EDEM1: variants seen among roughly 807,000 people sequenced by gnomAD.
EDEM1 encodes ER degradation enhancing alpha-mannosidase like protein 1, also known as ER degradation-enhancing alpha-mannosidase-like protein 1.
Under a neutral mutation model 74.4 loss-of-function variants are expected in EDEM1, and 67 were observed. The observed-to-expected ratio is 0.90, with a 90% CI of 0.74 to 1.10. EDEM1 has a LOEUF of 1.10. Among genes scored for constraint, EDEM1 ranks in the 50% least tolerant of loss-of-function variants. The pLI is 0.00. For synonymous variants in EDEM1, 382 were observed against 335.9 expected (o/e 1.14, Z -1.50); for missense variants, 926 against 851.6 (o/e 1.09, Z -1.09).
intron 9 of EDEM1, among the ~76,000 whole-genome samples, chr3:5,210,463 G>A (rs118134738): frequency 1.3e-5 from 2 of 152,096 alleles, no homozygotes; most frequent in Admixed American, 1.3e-4. Context: ...GATTATGGGT[G>A]TTCATTCTAA....
In EDEM1 at chr3:5,219,361, G is replaced by A. The variant is rs1272207485; in HGVS notation, c.*3443G>A. 1 of 152,180 alleles carries A rather than the reference G, an allele frequency of 6.6e-6. No individual in the cohort carries two copies. Among genetic ancestry groups the A allele is most frequent in the Non-Finnish European group, 1.5e-5 (1 of 68,042 alleles). The allele number at this position is 152,180 out of a possible 1,614,324, so 9.4% of individuals were successfully genotyped here. ...ACAGGGTGGCTGAGCAGGAACTTTA[G>A]AAGAAAATCCTGAGCTTTCCTGTCC... On this transcript the variant is annotated 3_prime_UTR_variant, in exon 12 of 12. Coordinates refer to ENST00000256497, the MANE Select transcript of EDEM1 (RefSeq NM_014674.3).
rs187135662 is a variant in EDEM1 at position 5,206,458 on chromosome 3, G to A, written c.1218-695G>A. 1.4e-3 allele frequency among the ~76,000 whole-genome samples: 207 copies of A among 151,978 alleles called. 1 individual carries two copies. The highest frequency in any genetic ancestry group is 4.9e-3 in the African/African-American group (202 of 41,458). ...CCTGACCTCGTGATCCACCCGCCTC[G>A]GCCTCCCAAAGTGCTGGGATTACAG... On this transcript the variant is annotated intron_variant, in intron 6 of 11. Transcript: ENST00000256497.
intron 1 of EDEM1, among the ~76,000 whole-genome samples, chr3:5,193,712 C>T (rs551783206): frequency 2.6e-5 from 4 of 152,262 alleles, no homozygotes; most frequent in African/African-American, 7.2e-5. Flanking sequence ...ATTCTTCTGC[C>T]TCAGCCTCCC....
At chr3:5,214,356 C>T (rs766464649) in intron 11 of EDEM1, among the ~76,000 whole-genome samples, 1 of 152,172 alleles carries the variant, frequency 6.6e-6, no homozygotes, top group Non-Finnish European at 1.5e-5. Flanking sequence ...GCCCTCTCAT[C>T]GCCGACTGTG....
intron 8 of EDEM1, among the ~76,000 whole-genome samples, chr3:5,209,174 A>G (rs994024605): frequency 6.6e-6 from 1 of 152,204 alleles, no homozygotes; most frequent in African/African-American, 2.4e-5. Flanking sequence ...TTTGCTTCAG[A>G]TGAAAAAAGG....
chr3:5,206,494 C>T (rs1179269260), intron 6 of EDEM1, among the ~76,000 whole-genome samples: 4 of 152,124 alleles, frequency 2.6e-5, no homozygotes, highest in Non-Finnish European at 5.9e-5. Context: ...GTGTGAGCCA[C>T]CACACCTGGC....
chr3:5,195,102 GAATA>G (rs1215394993), intron 1 of EDEM1, 103 bp from the exon 2 acceptor site: 1 of 556,280 alleles, frequency 1.8e-6, no homozygotes, highest in Non-Finnish European at 2.9e-6. Context: ...ATTAGTTCCT[GAATA>G]AATAAGAGTT....
At chr3:5,214,386 A>T (rs1368218048) in intron 11 of EDEM1, among the ~76,000 whole-genome samples, 1 of 152,140 alleles carries the variant, frequency 6.6e-6, no homozygotes, top group Admixed American at 6.5e-5. Flanking sequence ...TTTTCCGTTA[A>T]TGCCCCAGTG....
chr3:5,190,939 T>C (rs1254855534), intron 1 of EDEM1, among the ~76,000 whole-genome samples: 1 of 152,094 alleles, frequency 6.6e-6, no homozygotes, highest in Non-Finnish European at 1.5e-5. Context: ...ATAGGGTACA[T>C]GAGATATTTT....
In EDEM1 at chr3:5,216,143, A is replaced by G. The variant is rs2055232672; in HGVS notation, c.*225A>G. ...AGGATATAATTTGAAGTGAGAAGAT[A>G]CATGGAAATTGCCCTCTTATGACAT... On this transcript the variant is annotated 3_prime_UTR_variant, in exon 12 of 12. Transcript: ENST00000256497. 2 of 527,754 alleles carry G rather than the reference A, an allele frequency of 3.8e-6. No homozygotes were observed. The highest frequency in any genetic ancestry group is 8.1e-5 in the Admixed American group (2 of 24,762). 32.7% of individuals were successfully genotyped at this position (527,754 alleles called of 1,614,324 possible). A position where few individuals can be genotyped will look rare whatever the true frequency, so the allele number is the denominator to read the frequency against.
At chr3:5,206,968 T>C (rs1017703019) in intron 6 of EDEM1, among the ~76,000 whole-genome samples, 185 bp from the exon 7 acceptor site, 7 of 152,260 alleles carry the variant, frequency 4.6e-5, no homozygotes, top group Admixed American at 3.3e-4. Context: ...GTGGAAAATA[T>C]TATCTTCTGC....
Position 5,218,990 on chromosome 3 carries a change from G to A in EDEM1, c.*3072G>A, listed in dbSNP as rs1226825130. 1 of 152,092 alleles carries A rather than the reference G, an allele frequency of 6.6e-6. No individual in the cohort carries two copies. The highest frequency in any genetic ancestry group is 1.5e-5 in the Non-Finnish European group (1 of 68,000). 9.4% of individuals were successfully genotyped at this position (152,092 alleles called of 1,614,324 possible). Reference sequence around the variant, plus strand: ...ATGTATTTAAAGAAAAATGCACCAGGATGGTGTCTGTGCACGTGACTATTA... The same window carrying A: ...ATGTATTTAAAGAAAAATGCACCAGAATGGTGTCTGTGCACGTGACTATTA... On this transcript the variant is annotated 3_prime_UTR_variant, in exon 12 of 12. Transcript: ENST00000256497.
intron 8 of EDEM1, 130 bp downstream of exon 8, chr3:5,208,393 CT>C (rs1360217325): frequency 7.4e-6 from 8 of 1,087,850 alleles, no homozygotes; most frequent in African/African-American, 4.8e-5. Flanking sequence ...GAGTTACCCC[CT>C]ATCCGTAGTC....
intron 4 of EDEM1, among the ~76,000 whole-genome samples, chr3:5,202,163 A>G (rs1418922060): frequency 6.6e-6 from 1 of 152,228 alleles, no homozygotes; most frequent in Non-Finnish European, 1.5e-5. Flanking sequence ...CCTTCCCCTT[A>G]AAGAGTAGAT....
rs770781356 is a variant in EDEM1, at chr3:5,217,089, A to T, written c.*1171A>T. 4 of 152,630 alleles carry T rather than the reference A, an allele frequency of 2.6e-5. No individual in the cohort carries two copies. The highest frequency in any genetic ancestry group is 7.2e-5 in the African/African-American group (3 of 41,436). The allele number at this position is 152,630 out of a possible 1,614,324, so 9.5% of individuals were successfully genotyped here. The stretch of plus-strand genomic sequence containing the variant: ...TCGCAGCTACTGCTATGGTTTCAGG[A>T]GGCCTGTTTAGCCACATGGTGAGAC... On this transcript the variant is annotated 3_prime_UTR_variant, in exon 12 of 12. Transcript: ENST00000256497.
rs1050161342 is a variant in EDEM1 at position 5,210,358 on chromosome 3, A to G, written c.1583+110A>G. The G allele has an allele frequency of 2.9e-6, 3 of 1,025,734 alleles. No homozygotes were observed. In the African/African-American group the frequency reaches 4.8e-5, roughly 16 times the overall value. 63.5% of individuals were successfully genotyped at this position (1,025,734 alleles called of 1,614,324 possible). ...TTTAATTTATAGAACCAGGTCATTA[A>G]TGTTACATTTACAGGGAAATTGCTT... On this transcript the variant is annotated intron_variant, in intron 9 of 11. Transcript: ENST00000256497.
rs118134738 is a variant in EDEM1, at chr3:5,210,463, G to T, written c.1583+215G>T. On this transcript the variant is annotated intron_variant, in intron 9 of 11. Transcript: ENST00000256497. ...CGTGAGGTTCTAGCAGATTATGGGT[G>T]TTCATTCTAACTTCTTTCCCCTAGT... Among the ~76,000 whole-genome samples the T allele has an allele frequency of 8.9e-4, 136 of 152,212 alleles. 1 individual carries two copies. In the East Asian group the frequency reaches 0.026, roughly 29 times the overall value.
In EDEM1 at chr3:5,209,105, G is replaced by C. The variant is rs1231297777; in HGVS notation, c.1509+842G>C. 1.3e-4 allele frequency among the ~76,000 whole-genome samples: 20 copies of C among 152,146 alleles called. 2 individuals carry two copies. The highest frequency in any genetic ancestry group is 1.2e-3 in the Admixed American group (19 of 15,276). On this transcript the variant is annotated intron_variant, in intron 8 of 11. Coordinates refer to ENST00000256497, the MANE Select transcript of EDEM1 (RefSeq NM_014674.3). ...GAGTTTTAGAAACTCTGGTAGTGGA[G>C]CTAACACTAAGATTTGAATTTATTT...
chr3:5,209,538 G>T (rs1238836365), intron 8 of EDEM1, among the ~76,000 whole-genome samples: 6 of 152,180 alleles, frequency 3.9e-5, no homozygotes, highest in African/African-American at 1.4e-4. Flanking sequence ...GTTTGTTGCT[G>T]CAATCTGGCA....
Sources: allele counts gnomAD v4.1 joint callset (sites outside exome capture counted in the v4.1 genomes callset), GRCh38; gene constraint gnomAD v4.1.1; transcripts MANE v1.5; gene names NCBI Gene and HGNC (gene_info 2026-07-23, HGNC 2026-07-21).